Variants in OR9Q1 observed in about 807,000 individuals in gnomAD.
OR9Q1 encodes olfactory receptor 9Q1.
For missense variants in OR9Q1, 374 were observed against 378.8 expected, an observed-to-expected ratio of 0.99 and a Z score of 0.11; for synonymous variants, 153 against 148.6, an observed-to-expected ratio of 1.03 and a Z score of -0.22.
chr11:58,037,351 A>G (rs921934939), intron 1 of OR9Q1, among the ~76,000 whole-genome samples: 3 of 152,090 alleles, frequency 2.0e-5, no homozygotes, highest in Admixed American at 2.0e-4. Flanking sequence ...AGCTTGCTTT[A>G]TTCACTTATT....
intron 1 of OR9Q1, among the ~76,000 whole-genome samples, chr11:58,025,566 A>AGGGG (rs373911751): frequency 6.6e-6 from 1 of 152,164 alleles, no homozygotes; most frequent in African/African-American, 2.4e-5. Context: ...GTGTTGGGGC[A>AGGGG]GGGGGGAAGA....
intron 2 of OR9Q1, among the ~76,000 whole-genome samples, chr11:58,133,124 T>C (rs984877362): frequency 4.6e-5 from 7 of 152,194 alleles, no homozygotes; most frequent in African/African-American, 1.2e-4. Flanking sequence ...ATGGCCATAG[T>C]AGATCAGAGA....
chr11:58,141,435 T>A (rs1426650274), intron 2 of OR9Q1, among the ~76,000 whole-genome samples: 1 of 152,224 alleles, frequency 6.6e-6, no homozygotes, highest in African/African-American at 2.4e-5. Flanking sequence ...TGAATGGTTG[T>A]TGAATTTTGT....
intron 2 of OR9Q1, among the ~76,000 whole-genome samples, chr11:58,128,254 T>TAA (rs56238213): frequency 0.043 from 5,377 of 126,200 alleles, 129 homozygotes; most frequent in Non-Finnish European, 0.061. Flanking sequence ...CAAGAAAAAC[T>TAA]AAAAAAAAAA....
chr11:58,054,664 C>CCA (rs1853309741), intron 1 of OR9Q1, among the ~76,000 whole-genome samples: 2 of 152,172 alleles, frequency 1.3e-5, no homozygotes, highest in Admixed American at 1.3e-4. Context: ...CCAGGTGTGG[C>CCA]GGCTCATGCC....
At chr11:58,120,904 T>A (rs1368515499) in intron 2 of OR9Q1, among the ~76,000 whole-genome samples, 1 of 151,214 alleles carries the variant, frequency 6.6e-6, no homozygotes, top group Non-Finnish European at 1.5e-5. Flanking sequence ...CTTGTTCTTT[T>A]CTCTCTTCTC....
intron 2 of OR9Q1, chr11:58,109,529 T>C (rs1221733926): frequency 6.6e-6 from 3 of 457,776 alleles, no homozygotes; most frequent in Non-Finnish European, 8.8e-6. Context: ...AGAATGATCA[T>C]CCCCCCATTC....
chr11:58,029,924 C>T (rs1315687540), intron 1 of OR9Q1, among the ~76,000 whole-genome samples: 4 of 151,160 alleles, frequency 2.6e-5, no homozygotes, highest in African/African-American at 9.7e-5. Flanking sequence ...TCACTGCAAC[C>T]TCTGCCTCCT....
chr11:58,066,848 C>T (rs1033256515), intron 2 of OR9Q1, among the ~76,000 whole-genome samples: 18 of 151,998 alleles, frequency 1.2e-4, no homozygotes, highest in African/African-American at 3.6e-4. Context: ...CAGGAGAGGC[C>T]GGGGGTCTCC....
At chr11:58,153,714 T>A (rs1854376719) in intron 2 of OR9Q1, among the ~76,000 whole-genome samples, 1 of 152,214 alleles carries the variant, frequency 6.6e-6, no homozygotes, top group African/African-American at 2.4e-5. Flanking sequence ...TGGAATTGTA[T>A]GTAGAAAGTA....
chr11:58,037,526 T>C (rs1214053438), intron 1 of OR9Q1, among the ~76,000 whole-genome samples: 1 of 151,128 alleles, frequency 6.6e-6, no homozygotes, highest in Non-Finnish European at 1.5e-5. Context: ...GTAGTTTTCA[T>C]TTATTGTAGC....
intron 2 of OR9Q1, among the ~76,000 whole-genome samples, chr11:58,122,902 T>C (rs1854049032): frequency 6.6e-6 from 1 of 152,088 alleles, no homozygotes; most frequent in African/African-American, 2.4e-5. Context: ...GTGACATAAA[T>C]CTCATTTTTT....
intron 1 of OR9Q1, among the ~76,000 whole-genome samples, chr11:58,038,507 A>G (rs1853129487): frequency 1.3e-5 from 2 of 152,214 alleles, no homozygotes; most frequent in Admixed American, 1.3e-4. Context: ...TTCTGGACAA[A>G]TAAGACTTAT....
At chr11:58,093,512 A>T (rs528838863) in intron 2 of OR9Q1, among the ~76,000 whole-genome samples, 3 of 152,080 alleles carry the variant, frequency 2.0e-5, no homozygotes, top group Non-Finnish European at 4.4e-5. Context: ...TTAAAAAGGC[A>T]CACTTTGGGA....
chr11:58,093,759 C>CAAAAAAAAAAA (rs71061572), intron 2 of OR9Q1, among the ~76,000 whole-genome samples: 6 of 35,540 alleles, frequency 1.7e-4, no homozygotes, highest in Admixed American at 3.3e-4. Context: ...GACTTCATCT[C>CAAAAAAAAAAA]AAAAAAAAAA....
chr11:58,055,759 C>G (rs1364384400), intron 1 of OR9Q1, 111 bp from the exon 2 acceptor site: 1 of 144,534 alleles, frequency 6.9e-6, no homozygotes, highest in Non-Finnish European at 1.5e-5. Flanking sequence ...ATGATCGTAC[C>G]ACTGTACTCC....
intron 1 of OR9Q1, among the ~76,000 whole-genome samples, chr11:58,030,455 A>C (rs10792127): frequency 0.33 from 50,601 of 151,970 alleles, 8,854 homozygotes; most frequent in East Asian, 0.68. Flanking sequence ...TTCACAACAA[A>C]TCTGTTAGGT....
intron 2 of OR9Q1, chr11:58,060,188 T>G (rs1382510815): frequency 6.6e-6 from 1 of 152,234 alleles, no homozygotes; most frequent in Non-Finnish European, 1.5e-5. Context: ...TTCAGGTGTT[T>G]CACCATTATC....
intron 2 of OR9Q1, among the ~76,000 whole-genome samples, chr11:58,098,887 C>A (rs562321699): frequency 2.5e-4 from 38 of 152,238 alleles, no homozygotes; most frequent in Non-Finnish European, 4.7e-4. Context: ...CATTAAGTTT[C>A]ATGTTTATTT....
Sources: gnomAD v4.1 joint callset for allele counts (sites outside exome capture counted in the v4.1 genomes callset) on GRCh38, gnomAD v4.1.1 for gene constraint, MANE v1.5 for transcripts, NCBI Gene and HGNC (gene_info 2026-07-23, HGNC 2026-07-21) for gene names.